The following CDC14A variants were observed in gnomAD, a reference collection of about 807,000 sequenced individuals.
CDC14A encodes cell division cycle 14A, also known as dual specificity protein phosphatase CDC14A.
A neutral mutation model predicts 74.4 loss-of-function variants in CDC14A; 53 were observed. The observed-to-expected ratio is 0.71, with a 90% CI of 0.57 to 0.89. The LOEUF is 0.89. Among genes scored for constraint, CDC14A ranks in the 40% least tolerant of loss-of-function variants. The pLI is 0.00. For missense variants in CDC14A, 646 were observed against 713.7 expected (o/e 0.91, Z 1.08); for synonymous variants, 247 against 258.4 (o/e 0.96, Z 0.43).
chr1:100,476,539 C>T (rs1293445855), intron 10 of CDC14A, among the ~76,000 whole-genome samples: 1 of 152,040 alleles, frequency 6.6e-6, no homozygotes, highest in Admixed American at 6.6e-5. Flanking sequence ...TCGAGGAACT[C>T]ACCACCATTT....
chr1:100,456,826 A>T (rs1014836073), intron 8 of CDC14A, among the ~76,000 whole-genome samples: 1 of 152,190 alleles, frequency 6.6e-6, no homozygotes, highest in Non-Finnish European at 1.5e-5. Flanking sequence ...CGAATGGGCA[A>T]TCCAGGTCTA....
Position 100,352,730 on chromosome 1 carries a change from A to T in CDC14A, c.-225A>T, listed in dbSNP as rs527644. 1,260,073 of 1,390,688 alleles carry T rather than the reference A, an allele frequency of 0.91. 574,133 individuals are homozygous for T. The highest frequency in any genetic ancestry group is 0.93 in the East Asian group (32,977 of 35,382). 86.1% of individuals were successfully genotyped at this position (1,390,688 alleles called of 1,614,324 possible). ...AGGAGCGGCCACAGCCAGGGGCGTG[A>T]GCGCCCCGCGCGGAGCGAGCTCGGG... On this transcript the variant is annotated 5_prime_UTR_variant, in exon 1 of 16. Coordinates refer to ENST00000336454, the MANE Select transcript of CDC14A (RefSeq NM_003672.4).
At chr1:100,357,073 G>A (rs1652013958) in intron 2 of CDC14A, among the ~76,000 whole-genome samples, 1 of 151,968 alleles carries the variant, frequency 6.6e-6, no homozygotes, top group Non-Finnish European at 1.5e-5. Context: ...ACTGAAATAA[G>A]GAAGGAGGGT....
intron 5 of CDC14A, among the ~76,000 whole-genome samples, chr1:100,429,035 T>C (rs1263294848): frequency 6.6e-6 from 1 of 151,370 alleles, no homozygotes; most frequent in Non-Finnish European, 1.5e-5. Flanking sequence ...ACCCTGTCTC[T>C]ACTAAAAATA....
Position 100,405,887 on chromosome 1 carries a change from A to G in CDC14A, c.309+15063A>G, listed in dbSNP as rs189671670. Reference sequence around the variant, plus strand: ...TAGAATGATTTTTATTCCTTTGGGTATATACCCAGTAATGGGATTCTGGGT... The same window carrying G: ...TAGAATGATTTTTATTCCTTTGGGTGTATACCCAGTAATGGGATTCTGGGT... On this transcript the variant is annotated intron_variant, in intron 4 of 15. Transcript: ENST00000336454. Among the ~76,000 whole-genome samples, 331 of 152,278 alleles carry G rather than the reference A, an allele frequency of 2.2e-3. 1 individual carries two copies. The highest frequency in any genetic ancestry group is 7.6e-3 in the African/African-American group (315 of 41,562).
chr1:100,420,082 A>ATATATATATATATG (rs58124351), intron 4 of CDC14A, among the ~76,000 whole-genome samples: 1 of 105,526 alleles, frequency 9.5e-6, no homozygotes, highest in African/African-American at 3.3e-5. Flanking sequence ...ATATATATAT[A>ATATATATATATATG]GTGTGTATGT....
At chr1:100,389,252 G>A (rs1228249286) in intron 3 of CDC14A, among the ~76,000 whole-genome samples, 1 of 150,350 alleles carries the variant, frequency 6.7e-6, no homozygotes, top group Non-Finnish European at 1.5e-5. Flanking sequence ...GATTCTAGGA[G>A]TTCGAGACCA....
intron 4 of CDC14A, among the ~76,000 whole-genome samples, chr1:100,413,913 A>G (rs1661191859): frequency 6.6e-6 from 1 of 152,296 alleles, no homozygotes; most frequent in African/African-American, 2.4e-5. Context: ...GCCATTATAG[A>G]TGTATTCCTT....
At chr1:100,442,441 G>A (rs1455059695) in intron 6 of CDC14A, among the ~76,000 whole-genome samples, 1 of 147,474 alleles carries the variant, frequency 6.8e-6, no homozygotes, top group African/African-American at 2.5e-5. Context: ...GACCTATTAA[G>A]TAGAAATATT....
intron 3 of CDC14A, among the ~76,000 whole-genome samples, chr1:100,386,736 A>G (rs1336661892): frequency 6.6e-6 from 1 of 152,224 alleles, no homozygotes; most frequent in Non-Finnish European, 1.5e-5. Context: ...ATTTAGAGGC[A>G]TGATATTCTC....
intron 15 of CDC14A, among the ~76,000 whole-genome samples, chr1:100,514,836 A>G (rs1474056496): frequency 6.6e-6 from 1 of 152,226 alleles, no homozygotes; most frequent in Non-Finnish European, 1.5e-5. Context: ...AGCTAGTTGT[A>G]TTTAATCTAT....
chr1:100,463,958 A>C (rs1667560675), intron 9 of CDC14A, among the ~76,000 whole-genome samples: 1 of 151,668 alleles, frequency 6.6e-6, no homozygotes, highest in Non-Finnish European at 1.5e-5. Context: ...ATTTTATGCT[A>C]ATCATCTAGT....
intron 3 of CDC14A, among the ~76,000 whole-genome samples, chr1:100,388,684 G>A (rs1048385322): frequency 6.6e-6 from 1 of 152,084 alleles, no homozygotes; most frequent in African/African-American, 2.4e-5. Context: ...ATGGCTCACT[G>A]CAGCCTCCAT....
upstream of CDC14A, among the ~76,000 whole-genome samples, chr1:100,350,010 G>C (rs1177958691): frequency 2.0e-5 from 3 of 146,984 alleles, no homozygotes; most frequent in Non-Finnish European, 3.0e-5. Flanking sequence ...GTAGCACAAT[G>C]ATGCGATCTT....
At chr1:100,429,921 T>G (rs1401638443) in intron 5 of CDC14A, among the ~76,000 whole-genome samples, 9 of 152,018 alleles carry the variant, frequency 5.9e-5, no homozygotes, top group Admixed American at 5.9e-4. Context: ...TTCTTTTTGT[T>G]TTTTTGAGAT....
upstream of CDC14A, chr1:100,351,819 A>G: frequency 2.6e-6 from 4 of 1,547,262 alleles, no homozygotes; most frequent in Non-Finnish European, 3.5e-6. Context: ...GTATGTGTAG[A>G]GGAAACCAAT....
chr1:100,430,339 A>G (rs1211172120), intron 5 of CDC14A, among the ~76,000 whole-genome samples: 2 of 152,204 alleles, frequency 1.3e-5, no homozygotes, highest in African/African-American at 4.8e-5. Flanking sequence ...CACCCCTCCC[A>G]CTGGCAATCC....
chr1:100,383,097 G>A (rs558718000), intron 3 of CDC14A, among the ~76,000 whole-genome samples: 1 of 152,306 alleles, frequency 6.6e-6, no homozygotes, highest in South Asian at 2.1e-4. Flanking sequence ...GATAGTTCAT[G>A]TAGTTTAAAG....
chr1:100,375,156 T>C (rs1655063273), intron 2 of CDC14A, among the ~76,000 whole-genome samples: 1 of 151,984 alleles, frequency 6.6e-6, no homozygotes, highest in African/African-American at 2.4e-5. Flanking sequence ...CAAGGTAGAG[T>C]GTAGCAGAAA....
Sources: gnomAD v4.1 joint callset for allele counts (sites outside exome capture counted in the v4.1 genomes callset) on GRCh38, gnomAD v4.1.1 for gene constraint, MANE v1.5 for transcripts, NCBI Gene and HGNC (gene_info 2026-07-23, HGNC 2026-07-21) for gene names.